The following IBSP variants were observed in gnomAD, a reference collection of about 807,000 sequenced individuals.
IBSP encodes integrin-binding sialoprotein.
Under a neutral mutation model 25.5 loss-of-function variants are expected in IBSP, and 19 were observed. The observed-to-expected ratio is 0.74, with a 90% CI of 0.52 to 1.09. IBSP has a LOEUF of 1.09. IBSP is among the 50% of genes least tolerant of loss of function. The pLI, the probability that IBSP is intolerant of heterozygous loss-of-function variation, is 0.00. For synonymous variants in IBSP, 144 were observed against 137.6 expected (o/e 1.05, Z -0.33); for missense variants, 360 against 382.3 (o/e 0.94, Z 0.49).
At chr4:87,804,846 A>T (rs1001575049) in intron 4 of IBSP, among the ~76,000 whole-genome samples, 4 of 152,232 alleles carry the variant, frequency 2.6e-5, no homozygotes, top group Non-Finnish European at 5.9e-5. Context: ...GTGAAGGAGC[A>T]TGTGAAGTGA....
chr4:87,805,763 C>T (rs2110057008), intron 4 of IBSP, among the ~76,000 whole-genome samples: 1 of 152,320 alleles, frequency 6.6e-6, no homozygotes, highest in East Asian at 1.9e-4. Flanking sequence ...CCAGTTAATT[C>T]ACTTGTTCTC....
At chr4:87,800,194 T>C (rs1289316126) in intron 1 of IBSP, among the ~76,000 whole-genome samples, 8 of 152,196 alleles carry the variant, frequency 5.3e-5, no homozygotes, top group Non-Finnish European at 1.2e-4. Context: ...CCTTTAAGAA[T>C]GTTTGAATTG....
intron 4 of IBSP, among the ~76,000 whole-genome samples, chr4:87,805,753 C>A (rs1450202511): frequency 6.6e-6 from 1 of 152,156 alleles, no homozygotes; most frequent in Non-Finnish European, 1.5e-5. Context: ...AAAAATTGGA[C>A]CAGTTAATTC....
intron 1 of IBSP, among the ~76,000 whole-genome samples, chr4:87,799,994 A>G (rs1417589541): frequency 6.6e-6 from 1 of 152,168 alleles, no homozygotes. Flanking sequence ...ATATTTCTCT[A>G]CAAATTATAC....
chr4:87,811,499 C>G lies in IBSP; in HGVS notation c.543C>G (p.Thr181=), dbSNP rs1303198004. ...AACAAGGCATAAACGGCACCAGTAC[C>G]AACAGCACAGAGGCAGAAAACGGCA... ...ENEQGINGTS[T]NSTEAENGNG... Residue 181 remains threonine (T), a synonymous_variant, in exon 7 of 7, where the codon ACC becomes ACG. Coordinates refer to ENST00000226284, the MANE Select transcript of IBSP (RefSeq NM_004967.4). 2 of 1,613,898 alleles carry G rather than the reference C, an allele frequency of 1.2e-6. No homozygotes were observed. The highest frequency in any genetic ancestry group is 2.2e-5 in the South Asian group (2 of 91,052).
intron 6 of IBSP, 143 bp downstream of exon 6, chr4:87,810,907 C>A: frequency 1.5e-6 from 1 of 669,682 alleles, no homozygotes; most frequent in Non-Finnish European, 2.4e-6. Flanking sequence ...TTCATTAACT[C>A]GCTGAAGTGA....
chr4:87,811,292 A>G, intron 6 of IBSP, 70 bp from the exon 7 acceptor site: 1 of 1,515,464 alleles, frequency 6.6e-7, no homozygotes, highest in Non-Finnish European at 8.8e-7. Context: ...ATTGTGTTGC[A>G]TGAAATGACG....
chr4:87,806,549 A>G (rs2110057221), intron 5 of IBSP, among the ~76,000 whole-genome samples: 1 of 152,338 alleles, frequency 6.6e-6, no homozygotes, highest in East Asian at 1.9e-4. Flanking sequence ...TTAGAAGACA[A>G]GTGAATAGTA....
In IBSP at chr4:87,806,111, T is replaced by C; in HGVS notation, c.184-11T>C. ...AGATAAGAGTATACATACATGTGTATATATTTTTAGGGCAGTAGTGACTCA... is the reference window on the plus strand; with the variant it reads ...AGATAAGAGTATACATACATGTGTACATATTTTTAGGGCAGTAGTGACTCA... On this transcript the variant is annotated splice_polypyrimidine_tract_variant and intron_variant, in intron 4 of 6. Transcript: ENST00000226284. 1.2e-6 allele frequency: 2 copies of C among 1,600,158 alleles called. No individual in the cohort carries two copies. The highest frequency in any genetic ancestry group is 1.7e-6 in the Non-Finnish European group (2 of 1,169,288).
At position 87,812,018 on chromosome 4, in the gene IBSP, G is replaced by T; in HGVS notation, c.*108G>T. ...TAACAAATGTGCATATTATAATGAGGAATGGTACTACCGTTCCAGATTTTC... is the reference window on the plus strand; with the variant it reads ...TAACAAATGTGCATATTATAATGAGTAATGGTACTACCGTTCCAGATTTTC... On this transcript the variant is annotated 3_prime_UTR_variant, in exon 7 of 7. Coordinates refer to ENST00000226284, the MANE Select transcript of IBSP (RefSeq NM_004967.4). 1 of 847,764 alleles carries T rather than the reference G, an allele frequency of 1.2e-6. No individual in the cohort carries two copies. Among genetic ancestry groups the T allele is most frequent in the Non-Finnish European group, 1.8e-6 (1 of 556,966 alleles). The allele number at this position is 847,764 out of a possible 1,614,324, so 52.5% of individuals were successfully genotyped here.
In IBSP at chr4:87,804,479, C is replaced by A. The variant is rs927066958; in HGVS notation, c.184-1643C>A. Among the ~76,000 whole-genome samples the A allele has an allele frequency of 1.1e-4, 16 of 152,162 alleles. 1 individual carries two copies. The highest frequency in any genetic ancestry group is 3.9e-4 in the African/African-American group (16 of 41,436). Reference sequence around the variant, plus strand: ...ATGAAAGTTTAAGTAAACTTAACATCCTAAGCTTCTTTATTGAGAAAATTG... The same window carrying A: ...ATGAAAGTTTAAGTAAACTTAACATACTAAGCTTCTTTATTGAGAAAATTG... On this transcript the variant is annotated intron_variant, in intron 4 of 6. Coordinates refer to ENST00000226284, the MANE Select transcript of IBSP (RefSeq NM_004967.4).
chr4:87,803,043 G>C (rs4693877), intron 4 of IBSP, among the ~76,000 whole-genome samples: 24,284 of 152,120 alleles, frequency 0.16, 1,999 homozygotes, highest in East Asian at 0.19. Context: ...AGTTTTATCA[G>C]TTGTTGACCA....
At chr4:87,805,331 AATT>A (rs1324311392) in intron 4 of IBSP, among the ~76,000 whole-genome samples, 3 of 152,196 alleles carry the variant, frequency 2.0e-5, no homozygotes, top group African/African-American at 7.2e-5. Flanking sequence ...TTTAGCTTAT[AATT>A]ATATTTTTAT....
In IBSP at chr4:87,812,241, ACT is replaced by A; in HGVS notation, c.*334_*335del. On this transcript the variant is annotated 3_prime_UTR_variant, in exon 7 of 7. Transcript: ENST00000226284. ...GTAGTATTGCTAACTGCAAAAACAT[ACT>A]CTTTGTACAAGAAGTGCTTCTAAGA... 4.4e-6 allele frequency: 1 copy of A among 228,518 alleles called. No individual in the cohort carries two copies. The allele number at this position is 228,518 out of a possible 1,614,324, so 14.2% of individuals were successfully genotyped here.
At chr4:87,811,260 C>T (rs1199675284) in intron 6 of IBSP, 102 bp from the exon 7 acceptor site, 9 of 1,301,818 alleles carry the variant, frequency 6.9e-6, no homozygotes, top group South Asian at 3.1e-5. Context: ...TCAAATAAGA[C>T]GCCTAGAATA....
At position 87,802,429 on chromosome 4, in the gene IBSP, C is replaced by T; in HGVS notation, c.54+14C>T. The T allele has an allele frequency of 6.2e-7, 1 of 1,604,068 alleles. No homozygotes were observed. Among genetic ancestry groups the T allele is most frequent in the Non-Finnish European group, 8.5e-7 (1 of 1,176,146 alleles). On this transcript the variant is annotated intron_variant, in intron 2 of 6. Coordinates refer to ENST00000226284, the MANE Select transcript of IBSP (RefSeq NM_004967.4). ...TGTGCTTTCTCAGTAAGTTCTTTAT[C>T]AAAACCCACAGTTATTTTCAGTTTT...
chr4:87,803,786 T>C (rs1391557990), intron 4 of IBSP, among the ~76,000 whole-genome samples: 1 of 149,784 alleles, frequency 6.7e-6, no homozygotes, highest in East Asian at 1.9e-4. Context: ...GTTTTCAGAA[T>C]TGTATTCCCT....
intron 4 of IBSP, 21 bp from the exon 5 acceptor site, chr4:87,806,101 T>C (rs761371160): frequency 1.9e-6 from 3 of 1,573,384 alleles, no homozygotes; most frequent in Non-Finnish European, 2.6e-6. Flanking sequence ...AGAGTATACA[T>C]ACATGTGTAT....
At chr4:87,808,329 C>T (rs1242312950) in intron 5 of IBSP, among the ~76,000 whole-genome samples, 3 of 151,880 alleles carry the variant, frequency 2.0e-5, no homozygotes, top group African/African-American at 4.8e-5. Flanking sequence ...CTACAGGCAC[C>T]GGCCACCATG....
Sources: allele counts gnomAD v4.1 joint callset (sites outside exome capture counted in the v4.1 genomes callset), GRCh38; gene constraint gnomAD v4.1.1; transcripts MANE v1.5; gene names NCBI Gene and HGNC (gene_info 2026-07-23, HGNC 2026-07-21).